Variants in GFPT1 observed in about 807,000 individuals in gnomAD.
GFPT1 encodes glutamine--fructose-6-phosphate aminotransferase [isomerizing] 1.
GFPT1 carries 40 observed loss-of-function variants against 92.0 expected under a neutral mutation model. The observed-to-expected ratio is 0.43, with a 90% CI of 0.34 to 0.57. The LOEUF (loss-of-function observed/expected upper bound fraction) is 0.57, where lower values mean the gene tolerates loss of function less well. Ranked by LOEUF, GFPT1 falls within the 20% of genes least tolerant of loss-of-function variation. The pLI is 0.02. For missense variants in GFPT1, 448 were observed against 869.1 expected (o/e 0.52, Z 6.09); for synonymous variants, 269 against 280.6 (o/e 0.96, Z 0.41).
At chr2:69,366,142 A>AATTAAAGCAGTATCTCCTTGC (rs537096909) in intron 3 of GFPT1, among the ~76,000 whole-genome samples, 3,305 of 152,124 alleles carry the variant, frequency 0.022, 126 homozygotes, top group African/African-American at 0.074. Flanking sequence ...AGCTAACTAT[A>AATTAAAGCAGTATCTCCTTGC]ATTAAAGCAG....
At position 69,385,545 on chromosome 2, in the gene GFPT1, T is replaced by TTTA. The variant is rs944899211; in HGVS notation, c.7+1519_7+1520insTAA. 1.8e-4 allele frequency among the ~76,000 whole-genome samples: 4 copies of TTTA among 21,740 alleles called. No individual in the cohort carries two copies. In the African/African-American group the frequency reaches 1.9e-3, roughly 11 times the overall value. 14.3% of individuals were successfully genotyped at this position (21,740 alleles called of 152,430 possible). A position where few individuals can be genotyped will look rare whatever the true frequency, so the allele number is the denominator to read the frequency against. ...CAGCGCTGATTTATTTATTTATTTATTTTTTTTTCAGTAAGTACTTTGACT... is the reference window on the plus strand; with the variant it reads ...CAGCGCTGATTTATTTATTTATTTATTTATTTTTTTTCAGTAAGTACTTTGACT... On this transcript the variant is annotated intron_variant, in intron 1 of 19. Coordinates refer to ENST00000357308, the MANE Select transcript of GFPT1 (RefSeq NM_001244710.2).
chr2:69,384,764 G>GA (rs1672092820), intron 1 of GFPT1, among the ~76,000 whole-genome samples: 1 of 138,476 alleles, frequency 7.2e-6, no homozygotes, highest in Non-Finnish European at 1.6e-5. Flanking sequence ...GAGAGAGAAA[G>GA]AAGAAAGAAA....
chr2:69,385,937 TC>T (rs1182105735), intron 1 of GFPT1, among the ~76,000 whole-genome samples: 2 of 151,106 alleles, frequency 1.3e-5, no homozygotes, highest in African/African-American at 2.4e-5. Context: ...ACGAGTACAA[TC>T]CACCTCCTGT....
rs371349159 is a variant in GFPT1, at chr2:69,373,144, C to G, written c.115+862G>C. ...GCACCTTCTCCCTTTGCTGATTGTG[C>G]TTTGTATTCTTTTGTTATAATGAAA... On this transcript the variant is annotated intron_variant, in intron 2 of 19. Transcript: ENST00000357308. 7.9e-5 allele frequency among the ~76,000 whole-genome samples: 12 copies of G among 152,186 alleles called. No homozygotes were observed. The East Asian group carries it at 2.3e-3, about 29-fold the overall frequency.
chr2:69,330,435 T>C (rs1220533452), intron 15 of GFPT1, among the ~76,000 whole-genome samples: 1 of 152,012 alleles, frequency 6.6e-6, no homozygotes, highest in Admixed American at 6.6e-5. Flanking sequence ...GTTTTTGGTG[T>C]AAGTCAAAAG....
At chr2:69,379,700 T>C (rs915954724) in intron 1 of GFPT1, among the ~76,000 whole-genome samples, 2 of 151,600 alleles carry the variant, frequency 1.3e-5, no homozygotes, top group Non-Finnish European at 2.9e-5. Flanking sequence ...AATGTGCCTG[T>C]AATTTATTTA....
At chr2:69,334,428 A>G (rs370322462) in intron 15 of GFPT1, among the ~76,000 whole-genome samples, 3 of 152,180 alleles carry the variant, frequency 2.0e-5, no homozygotes, top group South Asian at 4.1e-4. Context: ...TTTCTTATAT[A>G]GGTGGTAACC....
intron 12 of GFPT1, 77 bp from the exon 13 acceptor site, chr2:69,342,326 A>T: frequency 1.2e-6 from 1 of 847,504 alleles, no homozygotes; most frequent in South Asian, 1.3e-5. Flanking sequence ...GTGAGTATCC[A>T]CTGCCAATAT....
At chr2:69,342,075 G>T (rs972363433) in intron 13 of GFPT1, 77 bp downstream of exon 13, 8 of 786,788 alleles carry the variant, frequency 1.0e-5, no homozygotes, top group Non-Finnish European at 1.7e-5. Context: ...GTTTTACACA[G>T]TATGTTATTA....
chr2:69,378,402 T>C (rs1671930948), intron 1 of GFPT1, among the ~76,000 whole-genome samples: 1 of 152,234 alleles, frequency 6.6e-6, no homozygotes, highest in Non-Finnish European at 1.5e-5. Context: ...GCACACACAG[T>C]AGCTGTATAA....
chr2:69,371,790 T>C lies in GFPT1; in HGVS notation c.116-1682A>G, dbSNP rs558688096. 4.6e-5 allele frequency among the ~76,000 whole-genome samples: 7 copies of C among 151,510 alleles called. No homozygotes were observed. In the East Asian group the frequency reaches 1.4e-3, roughly 30 times the overall value. The stretch of plus-strand genomic sequence containing the variant: ...AGGTGGAGCTTGCAGTGAGCTGAGA[T>C]CATGCCACTGCACTCCAGGCTGGGC... On this transcript the variant is annotated intron_variant, in intron 2 of 19. Coordinates refer to ENST00000357308, the MANE Select transcript of GFPT1 (RefSeq NM_001244710.2).
intron 7 of GFPT1, among the ~76,000 whole-genome samples, chr2:69,355,018 T>TTC (rs1173666698): frequency 3.3e-5 from 5 of 152,154 alleles, no homozygotes; most frequent in African/African-American, 1.2e-4. Context: ...ATATTCTCTA[T>TTC]CAGGGGTCAG....
chr2:69,350,754 T>G (rs917016916), intron 9 of GFPT1, among the ~76,000 whole-genome samples: 6 of 151,894 alleles, frequency 4.0e-5, no homozygotes, highest in Non-Finnish European at 5.9e-5. Flanking sequence ...AATACAAAAA[T>G]TGGCCAGACG....
At chr2:69,326,277 T>A (rs768638120) in intron 19 of GFPT1, 44 bp from the exon 20 acceptor site, 1 of 1,321,688 alleles carries the variant, frequency 7.6e-7, no homozygotes, top group African/African-American at 1.5e-5. Context: ...AGAGATTATA[T>A]AGACTGGGGA....
intron 9 of GFPT1, among the ~76,000 whole-genome samples, chr2:69,350,899 C>CT (rs1422127536): frequency 6.9e-6 from 1 of 145,494 alleles, no homozygotes; most frequent in Admixed American, 6.9e-5. Context: ...AGCAAAAACT[C>CT]TGTCTCAAAA....
At chr2:69,336,081 G>A (rs1348774134) in intron 15 of GFPT1, among the ~76,000 whole-genome samples, 7 of 150,856 alleles carry the variant, frequency 4.6e-5, no homozygotes, top group Admixed American at 6.6e-5. Flanking sequence ...GCTCATGCCT[G>A]TAATTCCAGC....
At chr2:69,328,470 C>A in intron 17 of GFPT1, 32 bp from the exon 18 acceptor site, 1 of 1,536,686 alleles carries the variant, frequency 6.5e-7, no homozygotes, top group South Asian at 1.1e-5. Context: ...TGTCTTCAAT[C>A]CACTTTTCAA....
chr2:69,363,358 G>A (rs556834029), intron 4 of GFPT1, among the ~76,000 whole-genome samples, 187 bp downstream of exon 4: 5 of 151,880 alleles, frequency 3.3e-5, no homozygotes, highest in Non-Finnish European at 7.4e-5. Flanking sequence ...CCCAACTCAG[G>A]CTCCCAAAGT....
chr2:69,332,144 A>G (rs970793145), intron 15 of GFPT1, among the ~76,000 whole-genome samples: 2 of 152,108 alleles, frequency 1.3e-5, no homozygotes, highest in Non-Finnish European at 2.9e-5. Context: ...CTAACCCAAG[A>G]TATGTCATTT....
Sources: gnomAD v4.1 joint callset for allele counts (sites outside exome capture counted in the v4.1 genomes callset) on GRCh38, gnomAD v4.1.1 for gene constraint, MANE v1.5 for transcripts, NCBI Gene and HGNC (gene_info 2026-07-23, HGNC 2026-07-21) for gene names.